The following NECTIN3 variants were observed in gnomAD, a reference collection of about 807,000 sequenced individuals.
NECTIN3 encodes nectin-3.
Under a neutral mutation model 49.4 loss-of-function variants are expected in NECTIN3, and 8 were observed. That is an observed-to-expected ratio of 0.16 (90% confidence interval 0.10 to 0.29). NECTIN3 has a LOEUF of 0.29. Among genes scored for constraint, NECTIN3 ranks in the 10% least tolerant of loss-of-function variants. The pLI is 1.00. For synonymous variants in NECTIN3, 277 were observed against 241.1 expected (o/e 1.15, Z -1.38); for missense variants, 581 against 654.6 (o/e 0.89, Z 1.23).
chr3:111,088,800 T>G (rs968092966), intron 1 of NECTIN3, among the ~76,000 whole-genome samples: 7 of 152,212 alleles, frequency 4.6e-5, no homozygotes, highest in Admixed American at 1.3e-4. Flanking sequence ...TTTCTTAAAA[T>G]GCTTTTGCCA....
intron 7 of NECTIN3, among the ~76,000 whole-genome samples, chr3:111,168,192 T>G (rs1438216133): frequency 6.6e-6 from 1 of 152,108 alleles, no homozygotes; most frequent in Admixed American, 6.5e-5. Context: ...TACAAAGAGC[T>G]ATGGTAATAC....
At chr3:111,105,713 AC>A (rs2033150781) in intron 1 of NECTIN3, among the ~76,000 whole-genome samples, 1 of 152,110 alleles carries the variant, frequency 6.6e-6, no homozygotes, top group Non-Finnish European at 1.5e-5. Context: ...ACTGGCTAGA[AC>A]CTTCAGTACA....
chr3:111,130,689 T>C (rs1225439504), intron 5 of NECTIN3, among the ~76,000 whole-genome samples: 2 of 152,134 alleles, frequency 1.3e-5, no homozygotes, highest in Non-Finnish European at 2.9e-5. Context: ...TTTCCCACAT[T>C]GATAAATGTA....
chr3:111,188,601 A>C (rs1190055177), upstream of NECTIN3, among the ~76,000 whole-genome samples: 1 of 152,210 alleles, frequency 6.6e-6, no homozygotes, highest in East Asian at 1.9e-4. Context: ...CAATGTTGTT[A>C]TTACTCATAA....
chr3:111,132,933 G>A (rs928255542), intron 5 of NECTIN3, among the ~76,000 whole-genome samples: 5 of 151,796 alleles, frequency 3.3e-5, no homozygotes, highest in East Asian at 1.9e-4. Flanking sequence ...TAGCCTATCA[G>A]GCTAACATAA....
At chr3:111,146,433 CAAA>C (rs530786189) in intron 6 of NECTIN3, among the ~76,000 whole-genome samples, 3 of 58,286 alleles carry the variant, frequency 5.1e-5, no homozygotes, top group Admixed American at 1.9e-4. Context: ...GACTCCGTCT[CAAA>C]AAAAAAAAAA....
At chr3:111,179,266 A>G (rs578210864) in intron 7 of NECTIN3, among the ~76,000 whole-genome samples, 9 of 152,064 alleles carry the variant, frequency 5.9e-5, no homozygotes, top group Non-Finnish European at 1.2e-4. Flanking sequence ...CTTCCCATGA[A>G]CCATCTCAGA....
intron 1 of NECTIN3, among the ~76,000 whole-genome samples, chr3:111,192,775 C>T (rs1299102206): frequency 3.3e-5 from 5 of 152,120 alleles, no homozygotes; most frequent in East Asian, 1.9e-4. Flanking sequence ...TTGCTGTGTC[C>T]GTTCCCCAGT....
intron 1 of NECTIN3, among the ~76,000 whole-genome samples, chr3:111,098,928 T>A (rs1435300490): frequency 5.0e-5 from 7 of 139,824 alleles, no homozygotes; most frequent in African/African-American, 5.2e-5. Context: ...AACGTTAGTT[T>A]AAAAAAAAAA....
chr3:111,105,874 T>C (rs1323778896), intron 1 of NECTIN3, among the ~76,000 whole-genome samples: 4 of 152,196 alleles, frequency 2.6e-5, no homozygotes, highest in Non-Finnish European at 4.4e-5. Flanking sequence ...ATAAATCTTA[T>C]TACTCCTTCA....
Position 111,137,242 on chromosome 3 carries a change from G to A in NECTIN3, c.*3027G>A. 1.1e-6 allele frequency: 1 copy of A among 932,832 alleles called. No homozygotes were observed. The highest frequency in any genetic ancestry group is 5.0e-5 in the South Asian group (1 of 20,182). 57.8% of individuals were successfully genotyped at this position (932,832 alleles called of 1,614,324 possible). A position where few individuals can be genotyped will look rare whatever the true frequency, so the allele number is the denominator to read the frequency against. ...GTAATCAATGTAAAATATAAGAAAG[G>A]AATAAATGGTACCCATTTTGAATTT... On this transcript the variant is annotated 3_prime_UTR_variant, in exon 6 of 6. Coordinates refer to ENST00000485303, the MANE Select transcript of NECTIN3 (RefSeq NM_015480.3).
upstream of NECTIN3, among the ~76,000 whole-genome samples, chr3:111,191,641 A>G (rs969890627): frequency 6.6e-6 from 1 of 152,064 alleles, no homozygotes; most frequent in Admixed American, 6.6e-5. Flanking sequence ...CAAGAAAAGG[A>G]TGATCATATG....
At chr3:111,120,950 A>G (rs879750702) in intron 3 of NECTIN3, among the ~76,000 whole-genome samples, 1 of 151,166 alleles carries the variant, frequency 6.6e-6, no homozygotes, top group Non-Finnish European at 1.5e-5. Context: ...AATTTTATGT[A>G]TATAAAGTCT....
chr3:111,100,849 T>C (rs1351249904), intron 1 of NECTIN3, among the ~76,000 whole-genome samples: 1 of 151,880 alleles, frequency 6.6e-6, no homozygotes, highest in African/African-American at 2.4e-5. Context: ...CTCTGCATTT[T>C]GCTTGCATAG....
intron 1 of NECTIN3, among the ~76,000 whole-genome samples, chr3:111,084,673 A>G (rs572682226): frequency 6.6e-6 from 1 of 152,348 alleles, no homozygotes; most frequent in African/African-American, 2.4e-5. Flanking sequence ...TTGTAATGGT[A>G]GAAATGGAAG....
intron 4 of NECTIN3, among the ~76,000 whole-genome samples, chr3:111,125,855 AAAT>A (rs1456795488): frequency 2.0e-5 from 3 of 152,156 alleles, no homozygotes; most frequent in Non-Finnish European, 4.4e-5. Flanking sequence ...GTATGTCTTC[AAAT>A]AATATATTTT....
rs967163021 is a variant in NECTIN3 at position 111,187,134 on chromosome 3, A to G, written c.1222-5217A>G. 4.6e-5 allele frequency among the ~76,000 whole-genome samples: 7 copies of G among 152,306 alleles called. No individual in the cohort carries two copies. In the East Asian group the frequency reaches 1.4e-3, roughly 29 times the overall value. On this transcript the variant is annotated intron_variant, in intron 7 of 8. Coordinates refer to the NECTIN3 transcript ENST00000493615. Reference sequence around the variant, plus strand: ...CAGTTTGGCAGTTTCTTAAAAAACTAAGCATATACCTCACACCTGTAATCC... The same window carrying G: ...CAGTTTGGCAGTTTCTTAAAAAACTGAGCATATACCTCACACCTGTAATCC...
At chr3:111,102,953 C>T (rs2032988709) in intron 1 of NECTIN3, among the ~76,000 whole-genome samples, 1 of 152,136 alleles carries the variant, frequency 6.6e-6, no homozygotes, top group African/African-American at 2.4e-5. Flanking sequence ...TCAAAGTTAA[C>T]GTATAGTTAA....
intron 3 of NECTIN3, among the ~76,000 whole-genome samples, chr3:111,121,152 G>A (rs1366566833): frequency 1.3e-5 from 2 of 150,356 alleles, no homozygotes; most frequent in Non-Finnish European, 3.0e-5. Flanking sequence ...ACAGGCACCC[G>A]CCATCACGCC....
Sources: allele counts gnomAD v4.1 joint callset (sites outside exome capture counted in the v4.1 genomes callset), GRCh38; gene constraint gnomAD v4.1.1; transcripts MANE v1.5; gene names NCBI Gene and HGNC (gene_info 2026-07-23, HGNC 2026-07-21).